Variants in ARPC1A observed in about 807,000 individuals in gnomAD.
The protein encoded by ARPC1A is actin related protein 2/3 complex subunit 1A, also known as actin-related protein 2/3 complex subunit 1A.
Under a neutral mutation model 46.9 loss-of-function variants are expected in ARPC1A, and 8 were observed. The ratio of observed to expected loss-of-function variants is 0.17; its 90% CI spans 0.10 to 0.31. The LOEUF (loss-of-function observed/expected upper bound fraction) is 0.31, where lower values mean the gene tolerates loss of function less well. Ranked by LOEUF, ARPC1A falls within the 10% of genes least tolerant of loss-of-function variation. The pLI is 1.00. For missense variants in ARPC1A, 286 were observed against 483.6 expected (o/e 0.59, Z 3.83); for synonymous variants, 152 against 169.0 (o/e 0.90, Z 0.78).
chr7:99,350,164 C>T (rs565086256), intron 5 of ARPC1A, among the ~76,000 whole-genome samples: 1 of 152,224 alleles, frequency 6.6e-6, no homozygotes, highest in African/African-American at 2.4e-5. Context: ...AAGGGTGGGG[C>T]CAGCGAAGAT....
At chr7:99,332,361 C>A (rs1386047759) in intron 1 of ARPC1A, among the ~76,000 whole-genome samples, 3 of 152,158 alleles carry the variant, frequency 2.0e-5, no homozygotes, top group Non-Finnish European at 4.4e-5. Context: ...GGAGGCCCAT[C>A]CAGTTAGATT....
chr7:99,359,392 TG>T (rs1793697897), intron 7 of ARPC1A, 152 bp from the exon 8 acceptor site: 1 of 721,962 alleles, frequency 1.4e-6, no homozygotes, highest in Non-Finnish European at 2.3e-6. Context: ...CCTGAGATTG[TG>T]CCACTGCACT....
At chr7:99,339,387 G>A (rs371066555) in intron 3 of ARPC1A, among the ~76,000 whole-genome samples, 2 of 152,112 alleles carry the variant, frequency 1.3e-5, no homozygotes, top group African/African-American at 4.8e-5. Context: ...CCGTTAGCAC[G>A]GTGTGGTGGC....
At chr7:99,362,681 C>T (rs927068516) in intron 8 of ARPC1A, among the ~76,000 whole-genome samples, 7 of 151,534 alleles carry the variant, frequency 4.6e-5, no homozygotes, top group African/African-American at 7.3e-5. Context: ...ACAGGCTGTA[C>T]GGGCATAGGC....
chr7:99,343,526 A>T (rs934647063), intron 3 of ARPC1A, among the ~76,000 whole-genome samples: 4 of 152,152 alleles, frequency 2.6e-5, no homozygotes, highest in Non-Finnish European at 5.9e-5. Flanking sequence ...TAAATGAGTC[A>T]TGGTGAATTT....
At chr7:99,337,944 C>T (rs1793283518) in intron 2 of ARPC1A, among the ~76,000 whole-genome samples, 1 of 151,672 alleles carries the variant, frequency 6.6e-6, no homozygotes, top group Admixed American at 6.6e-5. Context: ...GACAGTTGTA[C>T]GTGTCTCTGG....
At chr7:99,331,353 C>T (rs1334798187) in intron 1 of ARPC1A, among the ~76,000 whole-genome samples, 2 of 151,938 alleles carry the variant, frequency 1.3e-5, no homozygotes, top group African/African-American at 4.8e-5. Context: ...ATAGATTGCA[C>T]CACTGCCCTC....
rs187071817 is a variant in ARPC1A at position 99,359,584 on chromosome 7, C to G, written c.829C>G (p.Arg277Gly). ...CCCAATGCTCTTTAACTACGATGAC[C>G]GCGGCTGCCTGACCTTCGTCTCCAA... ...CCPMLFNYDD[R>G]GCLTFVSKLD... is the part of the protein sequence containing the mutation. Residue 277 changes from arginine (R) to glycine (G), a missense_variant, in exon 8 of 10, where the codon CGC (arginine) becomes GGC (glycine). Transcript: ENST00000262942. The G allele has an allele frequency of 1.9e-6, 3 of 1,614,096 alleles. No individual in the cohort carries two copies. The highest frequency in any genetic ancestry group is 2.5e-6 in the Non-Finnish European group (3 of 1,180,026).
chr7:99,340,403 T>C (rs923220280), intron 3 of ARPC1A, among the ~76,000 whole-genome samples: 3 of 152,312 alleles, frequency 2.0e-5, no homozygotes, highest in Admixed American at 2.0e-4. Flanking sequence ...CATCAAGTGA[T>C]CTGCCTGCCT....
chr7:99,352,053 C>T (rs1295231380), intron 5 of ARPC1A, among the ~76,000 whole-genome samples: 2 of 152,192 alleles, frequency 1.3e-5, no homozygotes, highest in Non-Finnish European at 2.9e-5. Flanking sequence ...TGTCACCAGC[C>T]TCCCTTGGCT....
intron 1 of ARPC1A, among the ~76,000 whole-genome samples, chr7:99,328,527 A>G (rs550285941): frequency 1.3e-5 from 2 of 152,324 alleles, no homozygotes; most frequent in East Asian, 3.9e-4. Flanking sequence ...AGATTTAGAG[A>G]TATCAAGTGA....
At chr7:99,348,771 AT>A (rs1484691518) in intron 4 of ARPC1A, 80 bp from the exon 5 acceptor site, 11 of 1,035,504 alleles carry the variant, frequency 1.1e-5, no homozygotes, top group Admixed American at 6.8e-5. Flanking sequence ...CTACTTAGGT[AT>A]TTTCACCTGA....
intron 3 of ARPC1A, chr7:99,339,930 A>C: frequency 2.2e-6 from 1 of 455,036 alleles, no homozygotes; most frequent in South Asian, 1.5e-5. Context: ...CCTGTATGAG[A>C]GTGCTCATTT....
chr7:99,343,570 T>C (rs777484458), intron 3 of ARPC1A, among the ~76,000 whole-genome samples: 22 of 152,194 alleles, frequency 1.4e-4, no homozygotes, highest in Non-Finnish European at 2.5e-4. Context: ...ACCTTGAGTC[T>C]TGGTATATGA....
chr7:99,355,317 A>G (rs551327822), intron 6 of ARPC1A, among the ~76,000 whole-genome samples: 44 of 152,126 alleles, frequency 2.9e-4, no homozygotes, highest in African/African-American at 9.9e-4. Context: ...TTACCGTGAC[A>G]GGCACAGACA....
At chr7:99,364,492 G>C (rs10264582) in intron 9 of ARPC1A, among the ~76,000 whole-genome samples, 20,740 of 151,508 alleles carry the variant, frequency 0.14, 3,880 homozygotes, top group African/African-American at 0.43. Flanking sequence ...TGCTGGTCTC[G>C]AACTCCCAAC....
chr7:99,363,600 C>G lies in ARPC1A; in HGVS notation c.1041C>G (p.Gly347=), dbSNP rs533832675. Reference sequence around the variant, plus strand: ...ATTGTCGCAAATTTTGCACTACTGGCATCGATGGAGCCATGACAATTTGGG... The same window carrying G: ...ATTGTCGCAAATTTTGCACTACTGGGATCGATGGAGCCATGACAATTTGGG... ...KQDCRKFCTT[G]IDGAMTIWDF... Residue 347 remains glycine, a synonymous_variant, in exon 9 of 10, where the codon GGC becomes GGG. Coordinates refer to ENST00000262942, the MANE Select transcript of ARPC1A (RefSeq NM_006409.4). 1.2e-6 allele frequency: 2 copies of G among 1,612,826 alleles called. No individual in the cohort carries two copies. The highest frequency in any genetic ancestry group is 1.7e-5 in the Admixed American group (1 of 59,772).
At position 99,359,701 on chromosome 7, in the gene ARPC1A, A is replaced by G. The variant is rs766909995; in HGVS notation, c.946A>G (p.Asn316Asp). The G allele has an allele frequency of 6.2e-7, 1 of 1,614,180 alleles. No individual in the cohort carries two copies. The highest frequency in any genetic ancestry group is 1.7e-5 in the Admixed American group (1 of 60,010). ...CAAGAGAGCCACAACTGAGGACCGC[A>G]ACACGGCCTTGGAGACGCTGCACCA... ...MDKRATTEDR[N>D]TALETLHQNS... Residue 316 changes from asparagine (N) to aspartate (D), a missense_variant, in exon 8 of 10, where the codon AAC becomes GAC. Physicochemically the swap from Asn to Asp is conservative, Grantham distance 23. Around this residue, in one of 5 missense-constraint regions of ARPC1A, gnomAD observed 182 missense variants for 276.7 expected, o/e 0.66. Transcript: ENST00000262942.
chr7:99,330,807 G>A (rs180835528), intron 1 of ARPC1A, among the ~76,000 whole-genome samples: 2 of 152,268 alleles, frequency 1.3e-5, no homozygotes, highest in African/African-American at 4.8e-5. Context: ...TACGTGTGTT[G>A]AAACTTGAGT....
Sources: allele counts gnomAD v4.1 joint callset (sites outside exome capture counted in the v4.1 genomes callset), GRCh38; gene constraint gnomAD v4.1.1; regional missense constraint gnomAD v4.1.1; transcripts MANE v1.5; gene names NCBI Gene and HGNC (gene_info 2026-07-23, HGNC 2026-07-21).